ATF7IP2: variants seen among roughly 807,000 people sequenced by gnomAD.
The protein encoded by ATF7IP2 is activating transcription factor 7-interacting protein 2.
In ATF7IP2, 42 loss-of-function variants were observed where a neutral mutation model predicts 64.2. That is an observed-to-expected ratio of 0.65 (90% CI 0.51 to 0.85). ATF7IP2 has a LOEUF of 0.85. Ranked by LOEUF, ATF7IP2 falls within the 40% of genes least tolerant of loss-of-function variation. ATF7IP2 has a pLI of 0.00. For missense variants in ATF7IP2, 933 were observed against 784.2 expected (o/e 1.19, Z -2.27); for synonymous variants, 308 against 272.8 (o/e 1.13, Z -1.27).
chr16:10,439,061 A>G (rs977088178), intron 7 of ATF7IP2, among the ~76,000 whole-genome samples: 1 of 151,602 alleles, frequency 6.6e-6, no homozygotes, highest in Non-Finnish European at 1.5e-5. Flanking sequence ...AAAAAAAAAA[A>G]AAAAAATAGG....
At chr16:10,456,623 C>T (rs1444715424) in intron 8 of ATF7IP2, among the ~76,000 whole-genome samples, 1 of 152,196 alleles carries the variant, frequency 6.6e-6, no homozygotes, top group Non-Finnish European at 1.5e-5. Flanking sequence ...ACCTCAATCC[C>T]CAGTGCCATT....
chr16:10,471,953 T>C (rs1232689415), intron 9 of ATF7IP2, 157 bp from the exon 10 acceptor site: 1 of 437,984 alleles, frequency 2.3e-6, no homozygotes, highest in Non-Finnish European at 4.0e-6. Flanking sequence ...ATGGAGTTTT[T>C]TTGGGTATTT....
intron 1 of ATF7IP2, among the ~76,000 whole-genome samples, chr16:10,412,244 G>GT (rs1443822706): frequency 6.6e-6 from 1 of 150,868 alleles, no homozygotes; most frequent in African/African-American, 2.4e-5. Flanking sequence ...TCTTGTTTCT[G>GT]TATTTCCTTG....
At chr16:10,447,274 T>A (rs942457381) in intron 8 of ATF7IP2, 1 of 152,252 alleles carries the variant, frequency 6.6e-6, no homozygotes, top group Admixed American at 6.5e-5. Context: ...GTAGTCCTTG[T>A]CTTCTCGCGT....
chr16:10,392,203 G>A (rs1237684611), intron 1 of ATF7IP2, among the ~76,000 whole-genome samples: 2 of 151,716 alleles, frequency 1.3e-5, no homozygotes, highest in African/African-American at 4.8e-5. Flanking sequence ...ACCATGCCCA[G>A]CTAATTTTTG....
intron 3 of ATF7IP2, among the ~76,000 whole-genome samples, chr16:10,421,868 T>G (rs2047994613): frequency 6.6e-6 from 1 of 152,220 alleles, no homozygotes; most frequent in African/African-American, 2.4e-5. Flanking sequence ...TGCAGGTTGT[T>G]TACCGCAGGA....
chr16:10,443,940 C>G (rs551026867), intron 8 of ATF7IP2, among the ~76,000 whole-genome samples: 6 of 152,210 alleles, frequency 3.9e-5, no homozygotes, highest in African/African-American at 1.4e-4. Flanking sequence ...CGTGAAAGTC[C>G]AGCCTTGGTA....
intron 1 of ATF7IP2, among the ~76,000 whole-genome samples, chr16:10,399,137 T>C (rs2047478209): frequency 6.6e-6 from 1 of 152,180 alleles, no homozygotes; most frequent in South Asian, 2.1e-4. Context: ...GATCTATTGT[T>C]CTATTGTGCA....
chr16:10,419,136 C>T (rs2047938002), intron 2 of ATF7IP2, among the ~76,000 whole-genome samples: 1 of 152,124 alleles, frequency 6.6e-6, no homozygotes, highest in African/African-American at 2.4e-5. Context: ...TGGCAGTATG[C>T]CTCAATTATA....
At position 10,431,411 on chromosome 16, in the gene ATF7IP2, G is replaced by A; in HGVS notation, c.791G>A (p.Ser264Asn). 6.2e-7 allele frequency: 1 copy of A among 1,610,530 alleles called. No individual in the cohort carries two copies. The highest frequency in any genetic ancestry group is 8.5e-7 in the Non-Finnish European group (1 of 1,177,168). Residue 264 changes from serine (S) to asparagine (N), a missense_variant, in exon 5 of 14, where the codon AGT (serine) becomes AAT (asparagine). Physicochemically the swap from Ser to Asn is conservative, Grantham distance 46. Transcript: ENST00000562102. ...AGAACCAGTATTTCAAATTGTGAAA[G>A]TGCAGACTCAACATGGCAGTCATCA... Reference protein sequence around the residue: ...CSRTSISNCESADSTWQSSLD... With the variant: ...CSRTSISNCENADSTWQSSLD...
At chr16:10,409,652 C>T (rs2047712344) in intron 1 of ATF7IP2, among the ~76,000 whole-genome samples, 1 of 152,172 alleles carries the variant, frequency 6.6e-6, no homozygotes, top group African/African-American at 2.4e-5. Flanking sequence ...ATCTCGATCT[C>T]CTGACCTCAT....
At chr16:10,432,327 A>G (rs2048284727) in intron 5 of ATF7IP2, among the ~76,000 whole-genome samples, 1 of 152,198 alleles carries the variant, frequency 6.6e-6, no homozygotes, top group Non-Finnish European at 1.5e-5. Context: ...TTGTTAATGA[A>G]ATAGAAAAAA....
intron 13 of ATF7IP2, among the ~76,000 whole-genome samples, chr16:10,481,433 C>T (rs938100907): frequency 1.3e-5 from 2 of 151,438 alleles, no homozygotes; most frequent in African/African-American, 4.9e-5. Flanking sequence ...TACAGGCACG[C>T]ACCACCACGC....
chr16:10,476,440 A>G (rs1030462083), intron 12 of ATF7IP2, among the ~76,000 whole-genome samples: 2 of 152,118 alleles, frequency 1.3e-5, no homozygotes, highest in Non-Finnish European at 2.9e-5. Context: ...ACTTTCCAAT[A>G]TAAACCCCCT....
At chr16:10,466,850 CCTA>C (rs148292485) in intron 9 of ATF7IP2, among the ~76,000 whole-genome samples, 2,354 of 152,022 alleles carry the variant, frequency 0.015, 54 homozygotes, top group African/African-American at 0.053. Flanking sequence ...ACTGTTTGCT[CCTA>C]CTTCCATATT....
chr16:10,397,069 A>G (rs1471012483), intron 1 of ATF7IP2, among the ~76,000 whole-genome samples: 1 of 152,318 alleles, frequency 6.6e-6, no homozygotes, highest in African/African-American at 2.4e-5. Flanking sequence ...ACCCAGCACC[A>G]TTTATCAAAG....
intron 12 of ATF7IP2, among the ~76,000 whole-genome samples, chr16:10,479,815 G>A (rs1009070452): frequency 6.6e-6 from 1 of 151,940 alleles, no homozygotes; most frequent in Non-Finnish European, 1.5e-5. Context: ...TCAGAATGGC[G>A]ATTATTAAAG....
chr16:10,467,834 T>C (rs557016340), intron 9 of ATF7IP2, among the ~76,000 whole-genome samples: 388 of 151,618 alleles, frequency 2.6e-3, no homozygotes, highest in Middle Eastern at 3.4e-3. Flanking sequence ...ATTACAGGTG[T>C]GAGCCATGGC....
intron 1 of ATF7IP2, among the ~76,000 whole-genome samples, chr16:10,396,033 C>T (rs913324693): frequency 6.6e-5 from 10 of 151,918 alleles, no homozygotes; most frequent in African/African-American, 2.4e-4. Flanking sequence ...ATTCACAAAC[C>T]ATTAAAGATA....
Sources: allele counts gnomAD v4.1 joint callset (sites outside exome capture counted in the v4.1 genomes callset), GRCh38; gene constraint gnomAD v4.1.1; transcripts MANE v1.5; gene names NCBI Gene and HGNC (gene_info 2026-07-23, HGNC 2026-07-21).